The following DSCAM variants were observed in gnomAD, a reference collection of about 807,000 sequenced individuals.
DSCAM encodes DS cell adhesion molecule.
In DSCAM, 47 loss-of-function variants were observed where a neutral mutation model predicts 217.7. The ratio of observed to expected loss-of-function variants is 0.22; its 90% CI spans 0.17 to 0.28. The LOEUF (loss-of-function observed/expected upper bound fraction) is 0.28. DSCAM is among the 10% of genes least tolerant of loss of function. DSCAM has a pLI of 1.00. For synonymous variants in DSCAM, 1,056 were observed against 1,015.3 expected (o/e 1.04, Z -0.76); for missense variants, 2,080 against 2,618.3 (o/e 0.79, Z 4.49).
intron 32 of DSCAM, 97 bp downstream of exon 32, chr21:40,042,274 G>C (rs1368331818): frequency 9.2e-5 from 122 of 1,324,812 alleles, no homozygotes; most frequent in Non-Finnish European, 1.2e-4. Flanking sequence ...GCACCCATTT[G>C]GTCTGAACAC....
At chr21:40,713,683 G>A (rs1037243192) in intron 1 of DSCAM, among the ~76,000 whole-genome samples, 2 of 152,160 alleles carry the variant, frequency 1.3e-5, no homozygotes, top group African/African-American at 2.4e-5. Context: ...GGCATATGGT[G>A]GTCAAGATTT....
intron 3 of DSCAM, among the ~76,000 whole-genome samples, chr21:40,526,000 C>T (rs957421463): frequency 2.6e-5 from 4 of 152,184 alleles, no homozygotes; most frequent in African/African-American, 7.2e-5. Flanking sequence ...CAGTTTCCCA[C>T]ACCAATAAAC....
intron 3 of DSCAM, among the ~76,000 whole-genome samples, chr21:40,669,008 A>C (rs1209260431): frequency 6.6e-6 from 1 of 152,100 alleles, no homozygotes; most frequent in African/African-American, 2.4e-5. Flanking sequence ...CCAGATAATA[A>C]ATTCCTTGAG....
At chr21:40,710,644 T>TTA (rs1320641475) in intron 1 of DSCAM, among the ~76,000 whole-genome samples, 1 of 152,212 alleles carries the variant, frequency 6.6e-6, no homozygotes, top group Admixed American at 6.5e-5. Context: ...ATTTGGCTTT[T>TTA]TAATTCATTT....
At chr21:40,532,423 G>A (rs919696139) in intron 3 of DSCAM, among the ~76,000 whole-genome samples, 3 of 152,158 alleles carry the variant, frequency 2.0e-5, no homozygotes, top group African/African-American at 4.8e-5. Flanking sequence ...CAGACAACAT[G>A]AATGTTCTAG....
intron 1 of DSCAM, among the ~76,000 whole-genome samples, chr21:40,741,960 G>C (rs888868373): frequency 6.6e-6 from 1 of 152,088 alleles, no homozygotes; most frequent in African/African-American, 2.4e-5. Context: ...AAGATAGATA[G>C]AGATCACACA....
intron 1 of DSCAM, among the ~76,000 whole-genome samples, chr21:40,728,194 T>C (rs115493071): frequency 0.022 from 3,298 of 152,282 alleles, 127 homozygotes; most frequent in African/African-American, 0.076. Flanking sequence ...ACTGTCTGCC[T>C]CTAAACCTAT....
intron 3 of DSCAM, among the ~76,000 whole-genome samples, chr21:40,648,275 ACACACACT>A (rs202210302): frequency 0.017 from 2,512 of 149,086 alleles, 80 homozygotes; most frequent in East Asian, 0.16. Flanking sequence ...ACACACACAC[ACACACACT>A]CACACACTGC....
At chr21:40,577,516 G>T (rs2076862799) in intron 3 of DSCAM, among the ~76,000 whole-genome samples, 1 of 152,108 alleles carries the variant, frequency 6.6e-6, no homozygotes, top group African/African-American at 2.4e-5. Flanking sequence ...CTCTCGCCCA[G>T]TGGCGTTAAT....
At chr21:40,455,594 C>T (rs1003654669) in intron 3 of DSCAM, among the ~76,000 whole-genome samples, 2 of 152,020 alleles carry the variant, frequency 1.3e-5, no homozygotes, top group African/African-American at 4.8e-5. Flanking sequence ...TAGCGAAACC[C>T]CGTCTCTACT....
At chr21:40,300,681 C>T (rs999462744) in intron 9 of DSCAM, among the ~76,000 whole-genome samples, 3 of 152,248 alleles carry the variant, frequency 2.0e-5, no homozygotes, top group Admixed American at 6.5e-5. Context: ...GCCTCAGTTT[C>T]CTCCGATCCA....
At chr21:40,372,603 A>T (rs2074909944) in intron 3 of DSCAM, among the ~76,000 whole-genome samples, 2 of 152,296 alleles carry the variant, frequency 1.3e-5, no homozygotes, top group South Asian at 4.1e-4. Context: ...CTCAAGATGC[A>T]TGGAATGGTC....
chr21:40,312,602 A>T (rs1569057444), intron 8 of DSCAM, among the ~76,000 whole-genome samples: 1 of 152,222 alleles, frequency 6.6e-6, no homozygotes, highest in Non-Finnish European at 1.5e-5. Flanking sequence ...TTAATTTAAA[A>T]ATTATTTTTG....
At chr21:40,712,294 T>C (rs2090788497) in intron 1 of DSCAM, among the ~76,000 whole-genome samples, 1 of 151,876 alleles carries the variant, frequency 6.6e-6, no homozygotes, top group Non-Finnish European at 1.5e-5. Context: ...AAACCCCGTC[T>C]CTACTAAAAA....
At position 40,766,848 on chromosome 21, in the gene DSCAM, C is replaced by A. The variant is rs142065382; in HGVS notation, c.44-58077G>T. Among the ~76,000 whole-genome samples the A allele has an allele frequency of 7.3e-3, 1,115 of 151,940 alleles. 15 individuals carry two copies. Among genetic ancestry groups the A allele is most frequent in the African/African-American group, 0.026 (1,063 of 41,426 alleles). On this transcript the variant is annotated intron_variant, in intron 1 of 32. Transcript: ENST00000400454. ...GGAATTACAGGTGCATGCCACCATG[C>A]CTAATTTTTATATTTTTAGTAAAGA...
chr21:40,467,565 AG>A lies in DSCAM; in HGVS notation c.509-98321del, dbSNP rs527476810. Among the ~76,000 whole-genome samples the A allele has an allele frequency of 1.9e-3, 290 of 152,316 alleles. 2 individuals carry two copies. The highest frequency in any genetic ancestry group is 6.7e-3 in the African/African-American group (279 of 41,568). ...TGATTAAAAAATAACGCTTAATGTC[AG>A]GAAGTGTAAGAGAAGAATCAACACT... On this transcript the variant is annotated intron_variant, in intron 3 of 32. Transcript: ENST00000400454.
At chr21:40,476,153 A>T (rs1294542537) in intron 3 of DSCAM, among the ~76,000 whole-genome samples, 1 of 152,008 alleles carries the variant, frequency 6.6e-6, no homozygotes, top group Non-Finnish European at 1.5e-5. Flanking sequence ...CCTCATAGAG[A>T]AAGGGGCTAT....
chr21:40,014,610 G>T (rs1393998145), intron 32 of DSCAM, among the ~76,000 whole-genome samples: 1 of 152,138 alleles, frequency 6.6e-6, no homozygotes, highest in African/African-American at 2.4e-5. Flanking sequence ...AGCCTTCTCA[G>T]AAGTGCACCG....
At chr21:40,189,726 G>A (rs1038488514) in intron 11 of DSCAM, among the ~76,000 whole-genome samples, 3 of 152,154 alleles carry the variant, frequency 2.0e-5, no homozygotes, top group Admixed American at 6.5e-5. Context: ...CTGCACAAGT[G>A]CTCTCTCTTT....
Sources: allele counts gnomAD v4.1 joint callset (sites outside exome capture counted in the v4.1 genomes callset), GRCh38; gene constraint gnomAD v4.1.1; transcripts MANE v1.5; gene names NCBI Gene and HGNC (gene_info 2026-07-23, HGNC 2026-07-21).